The following MICAL2 variants were observed in gnomAD, a reference collection of about 807,000 sequenced individuals.
MICAL2 encodes microtubule associated monooxygenase, calponin and LIM domain containing 2, also known as [F-actin]-monooxygenase MICAL2.
MICAL2 carries 77 observed loss-of-function variants against 127.3 expected under a neutral mutation model. The ratio of observed to expected loss-of-function variants is 0.60; its 90% CI spans 0.50 to 0.73. The LOEUF (loss-of-function observed/expected upper bound fraction) is 0.73, where lower values mean the gene tolerates loss of function less well. Ranked by LOEUF, MICAL2 falls within the 30% of genes least tolerant of loss-of-function variation. The pLI is 0.00. For missense variants in MICAL2, 1,351 were observed against 1,434.4 expected (o/e 0.94, Z 0.94); for synonymous variants, 570 against 551.1 (o/e 1.03, Z -0.48).
At chr11:12,330,809 G>A (rs1590740476) in intron 32 of MICAL2, among the ~76,000 whole-genome samples, 1 of 150,556 alleles carries the variant, frequency 6.6e-6, no homozygotes, top group East Asian at 1.9e-4. Flanking sequence ...GAGAGACAGA[G>A]AGAGAGAGAG....
At chr11:12,323,624 C>A (rs1272898314) in intron 30 of MICAL2, among the ~76,000 whole-genome samples, 1 of 152,176 alleles carries the variant, frequency 6.6e-6, no homozygotes. Flanking sequence ...CACATACACT[C>A]CCTCCCAATA....
chr11:12,138,744 C>T (rs910395585), intron 2 of MICAL2, among the ~76,000 whole-genome samples: 6 of 152,190 alleles, frequency 3.9e-5, no homozygotes, highest in African/African-American at 1.4e-4. Flanking sequence ...CTGTCTGAGC[C>T]AGGCAGCAAT....
intron 26 of MICAL2, chr11:12,261,687 G>A (rs187791937): frequency 5.6e-4 from 555 of 985,410 alleles, no homozygotes; most frequent in Non-Finnish European, 6.3e-4. Context: ...CTATGGGGCG[G>A]GAAGAAGGAG....
chr11:12,347,031 A>G (rs114670330), intron 32 of MICAL2, among the ~76,000 whole-genome samples: 1,591 of 152,270 alleles, frequency 0.01, 20 homozygotes, highest in African/African-American at 0.036. Context: ...TGAGATCATC[A>G]AAAAATGCCA....
intron 29 of MICAL2, among the ~76,000 whole-genome samples, chr11:12,301,465 T>C (rs983718781): frequency 6.6e-6 from 1 of 152,246 alleles, no homozygotes; most frequent in Admixed American, 6.5e-5. Context: ...AGCACTCTTA[T>C]ACGTACGTAT....
chr11:12,130,709 T>C (rs1455147706), intron 1 of MICAL2, among the ~76,000 whole-genome samples: 1 of 152,104 alleles, frequency 6.6e-6, no homozygotes, highest in African/African-American at 2.4e-5. Context: ...CCTGCCAACT[T>C]TGAATACTTG....
chr11:12,249,220 A>G lies in MICAL2; in HGVS notation c.2821A>G (p.Ser941Gly), dbSNP rs781069733. Residue 941 changes from serine to glycine, a missense_variant, in exon 22 of 28, where the codon AGC becomes GGC. By Grantham distance (56) the Ser-to-Gly change is moderately conservative. Transcript: ENST00000683283. Reference sequence around the variant, plus strand: ...ACCTTCAGGGTTCCATTTTCATCCCAGCCATTTGAGAACAGTGCATCCTCA... The same window carrying G: ...ACCTTCAGGGTTCCATTTTCATCCCGGCCATTTGAGAACAGTGCATCCTCA... Reference protein sequence around the residue: ...KSPSGFHFHPSHLRTVHPQLT... With the variant: ...KSPSGFHFHPGHLRTVHPQLT... The G allele has an allele frequency of 2.4e-5, 38 of 1,609,328 alleles. No homozygotes were observed. Among genetic ancestry groups the G allele is most frequent in the South Asian group, 9.9e-5 (9 of 90,928 alleles).
chr11:12,294,818 C>G (rs760750550), downstream of MICAL2: 1 of 1,512,500 alleles, frequency 6.6e-7, no homozygotes, highest in East Asian at 2.4e-5. Context: ...TCCTCCTCCT[C>G]CTCCTCCTCC....
intron 3 of MICAL2, among the ~76,000 whole-genome samples, chr11:12,193,617 G>A (rs763764826): frequency 6.6e-6 from 1 of 152,192 alleles, no homozygotes; most frequent in South Asian, 2.1e-4. Flanking sequence ...TCAAAGAAAG[G>A]TGGCAGAGAG....
intron 3 of MICAL2, among the ~76,000 whole-genome samples, chr11:12,163,265 TC>T (rs1855058137): frequency 6.6e-6 from 1 of 152,192 alleles, no homozygotes; most frequent in African/African-American, 2.4e-5. Flanking sequence ...TCAGCTGACT[TC>T]CCTGGTGGCC....
chr11:12,360,326 T>G (rs1390604443), downstream of MICAL2, among the ~76,000 whole-genome samples: 1 of 152,150 alleles, frequency 6.6e-6, no homozygotes, highest in Non-Finnish European at 1.5e-5. Flanking sequence ...GAAGACCTAT[T>G]AGCACTAAGA....
At position 12,298,795 on chromosome 11, in the gene MICAL2, G is replaced by A. The variant is rs111551665; in HGVS notation, c.5212+3938G>A. 2.3e-4 allele frequency among the ~76,000 whole-genome samples: 35 copies of A among 152,132 alleles called. 1 individual carries two copies. Among genetic ancestry groups the A allele is most frequent in the East Asian group, 1.3e-3 (7 of 5,188 alleles). Reference sequence around the variant, plus strand: ...TTTGATTAATATTACGAATTATATCGTAGATTTATGGGTATTGAACCATCC... The same window carrying A: ...TTTGATTAATATTACGAATTATATCATAGATTTATGGGTATTGAACCATCC... On this transcript the variant is annotated intron_variant, in intron 29 of 34. Transcript: ENST00000646065.
chr11:12,317,458 G>A (rs1304843393), intron 29 of MICAL2, among the ~76,000 whole-genome samples: 1 of 152,192 alleles, frequency 6.6e-6, no homozygotes, highest in Non-Finnish European at 1.5e-5. Flanking sequence ...AACACAGCCA[G>A]AGTGGAACAA....
At chr11:12,260,077 T>G in intron 26 of MICAL2, 180 bp downstream of exon 26, 1 of 1,537,404 alleles carries the variant, frequency 6.5e-7, no homozygotes, top group Non-Finnish European at 8.7e-7. Context: ...CTGGGCGTTC[T>G]CTGAGGTCCT....
intron 26 of MICAL2, chr11:12,262,258 T>C (rs1037346486): frequency 5.7e-5 from 81 of 1,411,348 alleles, no homozygotes; most frequent in Non-Finnish European, 7.3e-5. Context: ...AGATGCAAAC[T>C]GTGTGCATCC....
intron 32 of MICAL2, among the ~76,000 whole-genome samples, chr11:12,327,443 G>A (rs1467098821): frequency 3.9e-5 from 6 of 152,182 alleles, no homozygotes; most frequent in Admixed American, 3.9e-4. Context: ...CGGCCTTTTG[G>A]CCAAGATCAA....
At chr11:12,335,849 T>C (rs1277923198) in intron 32 of MICAL2, among the ~76,000 whole-genome samples, 2 of 152,244 alleles carry the variant, frequency 1.3e-5, no homozygotes, top group Non-Finnish European at 2.9e-5. Flanking sequence ...CTGTTTTGGT[T>C]ACTGTAGCCT....
chr11:12,309,967 T>C (rs1385996074), intron 29 of MICAL2, among the ~76,000 whole-genome samples: 1 of 152,176 alleles, frequency 6.6e-6, no homozygotes, highest in South Asian at 2.1e-4. Flanking sequence ...GTTGGCCACT[T>C]GTATGTCTTC....
intron 15 of MICAL2, among the ~76,000 whole-genome samples, chr11:12,232,466 G>A (rs1224424707): frequency 6.6e-6 from 1 of 152,206 alleles, no homozygotes; most frequent in Admixed American, 6.5e-5. Flanking sequence ...TCTCATGCCT[G>A]TAATCCAGCA....
Sources: gnomAD v4.1 joint callset for allele counts (sites outside exome capture counted in the v4.1 genomes callset) on GRCh38, gnomAD v4.1.1 for gene constraint, MANE v1.5 for transcripts, NCBI Gene and HGNC (gene_info 2026-07-23, HGNC 2026-07-21) for gene names.